The following SERPINE3 variants were observed in gnomAD, a reference collection of about 807,000 sequenced individuals.
SERPINE3 encodes the protein serpin E3.
In SERPINE3, 43 loss-of-function variants were observed where a neutral mutation model predicts 41.7. The ratio of observed to expected loss-of-function variants is 1.03; its 90% CI spans 0.81 to 1.33. SERPINE3 has a LOEUF of 1.33. Among genes scored for constraint, SERPINE3 ranks in the 40% most tolerant of loss-of-function variants. The pLI, the probability that SERPINE3 is intolerant of heterozygous loss-of-function variation, is 0.00. For missense variants in SERPINE3, 440 were observed against 491.7 expected (o/e 0.89, Z 0.99); for synonymous variants, 200 against 192.2 (o/e 1.04, Z -0.34).
At chr13:51,343,324 C>G (rs1476788111) in intron 3 of SERPINE3, among the ~76,000 whole-genome samples, 3 of 152,218 alleles carry the variant, frequency 2.0e-5, no homozygotes, top group Non-Finnish European at 4.4e-5. Context: ...AAACACTCAG[C>G]TTGCATGTGT....
At chr13:51,360,736 A>T (rs765651684) in intron 7 of SERPINE3, among the ~76,000 whole-genome samples, 2 of 152,088 alleles carry the variant, frequency 1.3e-5, no homozygotes, top group Non-Finnish European at 2.9e-5. Flanking sequence ...AGACACATTC[A>T]TATTACTCTG....
chr13:51,356,409 T>C lies in SERPINE3; in HGVS notation c.1000+1266T>C, dbSNP rs534582503. Reference sequence around the variant, plus strand: ...GAACTTAAGAGAATTCTATGTTTGATAATGTGCAAAATCTAACCAGTGTCT... The same window carrying C: ...GAACTTAAGAGAATTCTATGTTTGACAATGTGCAAAATCTAACCAGTGTCT... On this transcript the variant is annotated intron_variant, in intron 7 of 9. Coordinates refer to ENST00000681248, the MANE Select transcript of SERPINE3 (RefSeq NM_001386375.1). Among the ~76,000 whole-genome samples the C allele has an allele frequency of 2.6e-5, 4 of 152,274 alleles. No homozygotes were observed. In the South Asian group the frequency reaches 8.3e-4, roughly 32 times the overall value.
Position 51,344,391 on chromosome 13 carries a change from C to T in SERPINE3, c.396C>T (p.Ser132=). Residue 132 remains serine, a synonymous_variant, in exon 4 of 10, where the codon TCC becomes TCT. Coordinates refer to ENST00000681248, the MANE Select transcript of SERPINE3 (RefSeq NM_001386375.1). ...CCCCCTGCTTTGTGGAGCACGTCTC[C>T]TGGTGGGCTAACAGCAGCCTGGAAC... is the stretch of plus-strand genomic sequence containing the variant. The part of the protein sequence containing the change: ...PLSPCFVEHV[S]WWANSSLEPA... 6.2e-7 allele frequency: 1 copy of T among 1,612,644 alleles called. No homozygotes were observed. Among genetic ancestry groups the T allele is most frequent in the Non-Finnish European group, 8.5e-7 (1 of 1,179,340 alleles).
At chr13:51,358,065 A>C (rs1436710215) in intron 7 of SERPINE3, among the ~76,000 whole-genome samples, 1 of 152,006 alleles carries the variant, frequency 6.6e-6, no homozygotes, top group East Asian at 1.9e-4. Flanking sequence ...AGAGGAGACA[A>C]ATGGAGAAAG....
intron 9 of SERPINE3, chr13:51,362,122 A>G (rs1955590327): frequency 7.2e-7 from 1 of 1,385,662 alleles, no homozygotes; most frequent in African/African-American, 1.5e-5. Context: ...CTCAGCTCAT[A>G]TATAGTTAAT....
At chr13:51,351,674 G>A (rs954508547) in intron 6 of SERPINE3, among the ~76,000 whole-genome samples, 6 of 151,898 alleles carry the variant, frequency 4.0e-5, no homozygotes, top group South Asian at 4.1e-4. Context: ...TGTTTCTTGC[G>A]CTTTCGATGC....
Position 51,346,084 on chromosome 13 carries a change from C to G in SERPINE3, c.491-941C>G, listed in dbSNP as rs369700690. 2.0e-5 allele frequency among the ~76,000 whole-genome samples: 3 copies of G among 152,324 alleles called. No homozygotes were observed. In the East Asian group the frequency reaches 5.8e-4, roughly 29 times the overall value. On this transcript the variant is annotated intron_variant, in intron 4 of 9. Transcript: ENST00000681248. ...TGTGAAATAGGGAATAATAATAGAA[C>G]TGTTAGGAGGAGTCGGTGAGGATTT...
rs560166518 is a variant in SERPINE3 at position 51,345,888 on chromosome 13, GCA to G, written c.491-1134_491-1133del. Among the ~76,000 whole-genome samples the G allele has an allele frequency of 2.3e-3, 344 of 152,342 alleles. 2 individuals carry two copies. Among genetic ancestry groups the G allele is most frequent in the Non-Finnish European group, 1.7e-3 (118 of 68,028 alleles). ...GGGGCAGTTGGCTCAGTTGCTCAGA[GCA>G]CAGAGTCCAGAGCCAGGCTGCTTGG... On this transcript the variant is annotated intron_variant, in intron 4 of 9. Coordinates refer to ENST00000681248, the MANE Select transcript of SERPINE3 (RefSeq NM_001386375.1).
intron 6 of SERPINE3, among the ~76,000 whole-genome samples, chr13:51,351,986 C>T (rs888449385): frequency 4.6e-5 from 7 of 152,074 alleles, no homozygotes; most frequent in Admixed American, 6.6e-5. Flanking sequence ...CAATTCTATC[C>T]TATAGGCATA....
In SERPINE3 at chr13:51,340,802, C is replaced by T. The variant is rs143181366; in HGVS notation, c.-77C>T. The T allele has an allele frequency of 4.4e-3, 2,235 of 508,388 alleles. 48 individuals are homozygous for T. Among genetic ancestry groups the T allele is most frequent in the African/African-American group, 0.036 (1,886 of 52,352 alleles). 31.5% of individuals were successfully genotyped at this position (508,388 alleles called of 1,614,324 possible). A position where few individuals can be genotyped will look rare whatever the true frequency, so the allele number is the denominator to read the frequency against. Reference sequence around the variant, plus strand: ...TGACCAGGGCTTTGCTAAAGTCACACATCCAGTAAGTGGCCGAAGCAGATC... The same window carrying T: ...TGACCAGGGCTTTGCTAAAGTCACATATCCAGTAAGTGGCCGAAGCAGATC... On this transcript the variant is annotated 5_prime_UTR_variant, in exon 2 of 10. Transcript: ENST00000681248.
chr13:51,347,240 C>T lies in SERPINE3; in HGVS notation c.700+6C>T, dbSNP rs202097898. 578 of 1,612,384 alleles carry T rather than the reference C, an allele frequency of 3.6e-4. No individual in the cohort carries two copies. Among genetic ancestry groups the T allele is most frequent in the Non-Finnish European group, 4.7e-4 (551 of 1,178,934 alleles). ...AACGACCGAGGTCAACTACGGTGAG[C>T]TCTGCCCCTGCTGGTTTGTCTAAAG... On this transcript the variant is annotated splice_donor_region_variant and intron_variant, in intron 5 of 9. Coordinates refer to ENST00000681248, the MANE Select transcript of SERPINE3 (RefSeq NM_001386375.1).
At chr13:51,344,196 G>C in intron 3 of SERPINE3, 56 bp from the exon 4 acceptor site, 1 of 1,301,480 alleles carries the variant, frequency 7.7e-7, no homozygotes, top group Non-Finnish European at 1.1e-6. Flanking sequence ...TGGAGGTTGT[G>C]CTAACTCCTT....
chr13:51,355,168 G>A lies in SERPINE3; in HGVS notation c.1000+25G>A, dbSNP rs4942995. 1.7e-4 allele frequency: 198 copies of A among 1,183,740 alleles called. 2 individuals carry two copies. In the South Asian group the frequency reaches 1.8e-3, roughly 11 times the overall value. The allele number at this position is 1,183,740 out of a possible 1,614,324, so 73.3% of individuals were successfully genotyped here. ...GGTAAAAACGGTTCTTCTTCCAAAC[G>A]TTCTAGCCGTGTATTTGGGGCAGTT... On this transcript the variant is annotated intron_variant, in intron 7 of 9. Coordinates refer to ENST00000681248, the MANE Select transcript of SERPINE3 (RefSeq NM_001386375.1).
At chr13:51,344,678 C>T (rs1392822617) in intron 4 of SERPINE3, among the ~76,000 whole-genome samples, 193 bp downstream of exon 4, 1 of 151,964 alleles carries the variant, frequency 6.6e-6, no homozygotes, top group Non-Finnish European at 1.5e-5. Flanking sequence ...CTGCTCTGAC[C>T]CTCTCCCACA....
intron 9 of SERPINE3, chr13:51,362,625 T>C (rs1955604388): frequency 6.6e-6 from 1 of 152,372 alleles, no homozygotes; most frequent in Non-Finnish European, 1.5e-5. Flanking sequence ...AGAAATAGGA[T>C]AGAACAAGAC....
At chr13:51,350,376 T>C (rs1013490378) in intron 6 of SERPINE3, among the ~76,000 whole-genome samples, 1 of 152,106 alleles carries the variant, frequency 6.6e-6, no homozygotes, top group African/African-American at 2.4e-5. Context: ...GTGTTAAGGG[T>C]TGTTTATAAC....
intron 3 of SERPINE3, 133 bp downstream of exon 3, chr13:51,341,480 C>T (rs1593635241): frequency 1.1e-6 from 1 of 890,550 alleles, no homozygotes; most frequent in Non-Finnish European, 1.7e-6. Flanking sequence ...CACTCACTCT[C>T]TCCAGCTCAC....
chr13:51,348,282 G>A lies in SERPINE3; in HGVS notation c.770G>A (p.Ser257Asn). 6.2e-7 allele frequency: 1 copy of A among 1,611,210 alleles called. No individual in the cohort carries two copies. The highest frequency in any genetic ancestry group is 1.1e-5 in the South Asian group (1 of 90,096). The change falls in exon 6 of 10, where the codon AGT (serine) becomes AAT (asparagine). Residue 257 changes from serine to asparagine, a missense_variant. Coordinates refer to ENST00000681248, the MANE Select transcript of SERPINE3 (RefSeq NM_001386375.1). ...CTTCCTTACCTGGGAAGTGCAGTGAGTCTGTTCCTGGTGCTGCCCCGTGAC... is the reference window on the plus strand; with the variant it reads ...CTTCCTTACCTGGGAAGTGCAGTGAATCTGTTCCTGGTGCTGCCCCGTGAC... Reference protein sequence around the residue: ...LELPYLGSAVSLFLVLPRDKD... With the variant: ...LELPYLGSAVNLFLVLPRDKD...
intron 4 of SERPINE3, among the ~76,000 whole-genome samples, chr13:51,344,806 AC>A (rs1955330191): frequency 1.3e-5 from 2 of 152,144 alleles, no homozygotes; most frequent in African/African-American, 4.8e-5. Context: ...CTCCCATGCA[AC>A]TGTCCCCCGA....
Sources: allele counts gnomAD v4.1 joint callset (sites outside exome capture counted in the v4.1 genomes callset), GRCh38; gene constraint gnomAD v4.1.1; transcripts MANE v1.5; gene names NCBI Gene and HGNC (gene_info 2026-07-23, HGNC 2026-07-21).